RANBP2: variants seen among roughly 807,000 people sequenced by gnomAD.
RANBP2 encodes E3 SUMO-protein ligase RanBP2.
A neutral mutation model predicts 303.6 loss-of-function variants in RANBP2; 57 were observed. The ratio of observed to expected loss-of-function variants is 0.19; its 90% confidence interval spans 0.15 to 0.23. The LOEUF (loss-of-function observed/expected upper bound fraction) is 0.23. RANBP2 is among the 10% of genes least tolerant of loss of function. RANBP2 has a pLI of 1.00. For missense variants in RANBP2, 3,138 were observed against 3,780.8 expected (o/e 0.83, Z 4.46); for synonymous variants, 1,167 against 1,301.5 (o/e 0.90, Z 2.23).
chr2:108,838,092 T>A, the RANBP2 span, among the ~76,000 whole-genome samples: 1 of 152,140 alleles, frequency 6.6e-6, no homozygotes, highest in Non-Finnish European at 1.5e-5. Context: ...TACTAAGCTC[T>A]AGGGGTGGTC....
At chr2:109,326,067 G>A in the RANBP2 span, among the ~76,000 whole-genome samples, 1 of 152,164 alleles carries the variant, frequency 6.6e-6, no homozygotes, top group South Asian at 2.1e-4. Context: ...GGGTATCCTG[G>A]GCGTATGCCA....
At chr2:109,277,971 T>C in the RANBP2 span, among the ~76,000 whole-genome samples, 6 of 138,356 alleles carry the variant, frequency 4.3e-5, no homozygotes, top group Non-Finnish European at 7.5e-5. Context: ...GGCCAGGAGT[T>C]AGAGATCAGC....
the RANBP2 span, among the ~76,000 whole-genome samples, chr2:109,203,992 A>G: frequency 6.6e-6 from 1 of 152,212 alleles, no homozygotes; most frequent in Non-Finnish European, 1.5e-5. Flanking sequence ...GTGGGCTTGA[A>G]GGGGCTCTGA....
chr2:109,446,822 G>A, the RANBP2 span, among the ~76,000 whole-genome samples: 13 of 152,168 alleles, frequency 8.5e-5, no homozygotes, highest in East Asian at 1.6e-3. Flanking sequence ...AGGGGAAGCC[G>A]GCCAGGAGGT....
chr2:109,560,199 C>T, the RANBP2 span, among the ~76,000 whole-genome samples: 1 of 152,150 alleles, frequency 6.6e-6, no homozygotes, highest in Non-Finnish European at 1.5e-5. Flanking sequence ...GGATTACAGG[C>T]GTGAGCCACC....
At chr2:108,759,145 T>C (rs559924007) in intron 18 of RANBP2, among the ~76,000 whole-genome samples, 1 of 151,800 alleles carries the variant, frequency 6.6e-6, no homozygotes, top group South Asian at 2.1e-4. Flanking sequence ...CAGACATTTA[T>C]TAGAGTATAC....
At chr2:109,286,639 C>T in the RANBP2 span, among the ~76,000 whole-genome samples, 3 of 152,288 alleles carry the variant, frequency 2.0e-5, no homozygotes, top group East Asian at 5.8e-4. Context: ...TTCTAAATCC[C>T]AGGAGCTCTG....
the RANBP2 span, among the ~76,000 whole-genome samples, chr2:109,375,193 C>T: frequency 6.6e-6 from 1 of 152,286 alleles, no homozygotes; most frequent in East Asian, 1.9e-4. Flanking sequence ...CTGTGCTGTG[C>T]TCACCGGAGA....
At chr2:109,084,709 C>G in the RANBP2 span, among the ~76,000 whole-genome samples, 1 of 152,130 alleles carries the variant, frequency 6.6e-6, no homozygotes, top group African/African-American at 2.4e-5. Flanking sequence ...ACACAAAGGG[C>G]GTTCCTCATC....
At chr2:109,632,996 C>G in the RANBP2 span, among the ~76,000 whole-genome samples, 3 of 152,116 alleles carry the variant, frequency 2.0e-5, no homozygotes, top group African/African-American at 7.2e-5. Flanking sequence ...AACAGCATGG[C>G]TTGGAGGAGG....
chr2:109,043,347 CT>C, the RANBP2 span, among the ~76,000 whole-genome samples: 126 of 146,646 alleles, frequency 8.6e-4, 1 homozygote, highest in East Asian at 9.9e-4. Context: ...ATAACATGAA[CT>C]TTTTTTTTTT....
the RANBP2 span, among the ~76,000 whole-genome samples, chr2:109,453,578 G>A: frequency 3.1e-4 from 47 of 152,228 alleles, no homozygotes; most frequent in South Asian, 2.7e-3. Context: ...CCACCCGACC[G>A]GCCATCACTC....
the RANBP2 span, among the ~76,000 whole-genome samples, chr2:109,017,180 C>T: frequency 6.6e-6 from 1 of 152,248 alleles, no homozygotes; most frequent in African/African-American, 2.4e-5. Flanking sequence ...AAACCTTTGC[C>T]ATTCTCTGCG....
the RANBP2 span, chr2:109,585,644 G>C: frequency 3.1e-6 from 3 of 974,948 alleles, no homozygotes; most frequent in Non-Finnish European, 4.9e-6. Context: ...CATGAGCATT[G>C]TTCTGCCCAT....
chr2:109,735,547 C>A, the RANBP2 span, among the ~76,000 whole-genome samples: 3 of 151,824 alleles, frequency 2.0e-5, no homozygotes, highest in African/African-American at 7.3e-5. Context: ...AAAATGTGAT[C>A]AAAACTTGAT....
At chr2:109,295,654 C>T in the RANBP2 span, among the ~76,000 whole-genome samples, 2 of 147,656 alleles carry the variant, frequency 1.4e-5, no homozygotes, top group South Asian at 2.1e-4. Context: ...CCCCACAGGA[C>T]AGGGGCCTGC....
the RANBP2 span, among the ~76,000 whole-genome samples, chr2:109,092,202 T>G: frequency 2.6e-5 from 4 of 152,158 alleles, no homozygotes; most frequent in Non-Finnish European, 5.9e-5. Context: ...CCTCCTAATT[T>G]GTCTGGTCAC....
At chr2:109,325,783 C>T in the RANBP2 span, among the ~76,000 whole-genome samples, 1 of 152,188 alleles carries the variant, frequency 6.6e-6, no homozygotes, top group Admixed American at 6.5e-5. Context: ...GGTTCAGGTG[C>T]CTGCTGCACC....
chr2:108,730,673 A>C, intron 2 of RANBP2, 101 bp from the exon 3 acceptor site: 1 of 1,428,810 alleles, frequency 7.0e-7, no homozygotes, highest in East Asian at 2.3e-5. Flanking sequence ...AACAATATAA[A>C]CGAGTTTAGT....
Sources: gnomAD v4.1 joint callset for allele counts (sites outside exome capture counted in the v4.1 genomes callset) on GRCh38, gnomAD v4.1.1 for gene constraint, MANE v1.5 for transcripts, NCBI Gene and HGNC (gene_info 2026-07-23, HGNC 2026-07-21) for gene names.